The following GNB1 variants were observed in gnomAD, a reference collection of about 807,000 sequenced individuals.
GNB1 encodes G protein subunit beta 1.
GNB1 carries 2 observed loss-of-function variants against 42.9 expected under a neutral mutation model. The observed-to-expected ratio is 0.05, with a 90% CI of 0.02 to 0.15. The LOEUF (loss-of-function observed/expected upper bound fraction) is 0.15, where lower values mean the gene tolerates loss of function less well. GNB1 is among the 10% of genes least tolerant of loss of function. The pLI is 1.00. For missense variants in GNB1, 193 were observed against 462.2 expected (o/e 0.42, Z 5.34); for synonymous variants, 183 against 174.7 (o/e 1.05, Z -0.38).
At chr1:1,839,392 G>C (rs1292879081) in intron 1 of GNB1, among the ~76,000 whole-genome samples, 154 bp from the exon 2 acceptor site, 1 of 152,060 alleles carries the variant, frequency 6.6e-6, no homozygotes, top group Non-Finnish European at 1.5e-5. Flanking sequence ...TAGCAGTACT[G>C]TCATATTTTG....
At chr1:1,888,920 C>G (rs1650309347) in intron 1 of GNB1, among the ~76,000 whole-genome samples, 1 of 152,174 alleles carries the variant, frequency 6.6e-6, no homozygotes, top group Non-Finnish European at 1.5e-5. Context: ...GCTCTCAGAC[C>G]TGTCTCCATG....
Position 1,828,912 on chromosome 1 carries a change from C to CA in GNB1, c.-46-3414dup, listed in dbSNP as rs140874481. ...ACACACATACACACACACACACACA[C>CA]AATTTTTGTTAGCAATAAAAATAAA... On this transcript the variant is annotated intron_variant, in intron 2 of 11. Coordinates refer to ENST00000378609, the MANE Select transcript of GNB1 (RefSeq NM_002074.5). Among the ~76,000 whole-genome samples the CA allele has an allele frequency of 4.0e-5, 6 of 151,860 alleles. No homozygotes were observed. In the South Asian group the frequency reaches 1.0e-3, roughly 26 times the overall value.
rs551222176 is a variant in GNB1, at chr1:1,791,016, C to T, written c.498-420G>A. On this transcript the variant is annotated intron_variant, in intron 8 of 11. Coordinates refer to ENST00000378609, the MANE Select transcript of GNB1 (RefSeq NM_002074.5). ...TATCTGTGGCTGCTCCCTCTGTGCCCTCCCTTGGCCTCCCCTCCACAGGGT... is the reference window on the plus strand; with the variant it reads ...TATCTGTGGCTGCTCCCTCTGTGCCTTCCCTTGGCCTCCCCTCCACAGGGT... Among the ~76,000 whole-genome samples the T allele has an allele frequency of 1.9e-3, 285 of 152,234 alleles. 1 individual carries two copies. Among genetic ancestry groups the T allele is most frequent in the Non-Finnish European group, 3.7e-3 (250 of 68,010 alleles).
chr1:1,821,216 G>A lies in GNB1; in HGVS notation c.58-3341C>T, dbSNP rs952523896. On this transcript the variant is annotated intron_variant, in intron 3 of 11. Transcript: ENST00000378609. ...CGGGCATCCATTGCAGCTGCCTCTC[G>A]CACGAATGGACCCTGCTCCCTTGCA... 7.9e-5 allele frequency among the ~76,000 whole-genome samples: 12 copies of A among 152,152 alleles called. 1 individual carries two copies. In the East Asian group the frequency reaches 9.6e-4, roughly 12 times the overall value.
chr1:1,793,490 G>A (rs1424843210), intron 7 of GNB1, 179 bp from the exon 8 acceptor site: 1 of 488,598 alleles, frequency 2.0e-6, no homozygotes, highest in East Asian at 3.2e-5. Flanking sequence ...CACTGCTGGT[G>A]AGGGTGAGAG....
chr1:1,835,222 C>T (rs564404384), intron 2 of GNB1, among the ~76,000 whole-genome samples: 1 of 152,192 alleles, frequency 6.6e-6, no homozygotes, highest in Admixed American at 6.5e-5. Context: ...TGATGTCTGA[C>T]AGCCCTGGCT....
intron 1 of GNB1, among the ~76,000 whole-genome samples, chr1:1,885,187 C>T (rs998917434): frequency 1.3e-5 from 2 of 151,334 alleles, no homozygotes; most frequent in Non-Finnish European, 3.0e-5. Context: ...CGGAGGCGGG[C>T]GGATCACTTG....
At chr1:1,819,191 G>C (rs1169410770) in intron 3 of GNB1, among the ~76,000 whole-genome samples, 1 of 152,028 alleles carries the variant, frequency 6.6e-6, no homozygotes, top group East Asian at 1.9e-4. Context: ...TTTAAAGTTT[G>C]AGTGTTGGTA....
At chr1:1,833,860 T>G (rs1419577677) in intron 2 of GNB1, among the ~76,000 whole-genome samples, 3 of 152,198 alleles carry the variant, frequency 2.0e-5, no homozygotes, top group Non-Finnish European at 4.4e-5. Context: ...TGCCTGTGCC[T>G]ATAAAGTAAT....
At chr1:1,881,800 C>G (rs1649861944) in intron 1 of GNB1, among the ~76,000 whole-genome samples, 1 of 152,206 alleles carries the variant, frequency 6.6e-6, no homozygotes, top group African/African-American at 2.4e-5. Context: ...GTGCTGTGCT[C>G]TTATGCGCTT....
intron 2 of GNB1, among the ~76,000 whole-genome samples, chr1:1,835,537 T>C (rs1647134673): frequency 6.6e-6 from 1 of 152,186 alleles, no homozygotes; most frequent in Admixed American, 6.6e-5. Context: ...AACTACCTCC[T>C]GCCTCACCTG....
chr1:1,820,654 C>T (rs1646919721), intron 3 of GNB1, among the ~76,000 whole-genome samples: 1 of 152,090 alleles, frequency 6.6e-6, no homozygotes, highest in South Asian at 2.1e-4. Flanking sequence ...GATTTTAAAA[C>T]ATCATAAGAA....
intron 7 of GNB1, among the ~76,000 whole-genome samples, chr1:1,797,729 G>A (rs138937754): frequency 6.6e-5 from 10 of 152,288 alleles, no homozygotes; most frequent in Admixed American, 5.9e-4. Context: ...GAGCCACCGC[G>A]CCCAGCCCCC....
intron 1 of GNB1, among the ~76,000 whole-genome samples, chr1:1,876,251 T>TA (rs997883669): frequency 4.6e-5 from 7 of 152,114 alleles, no homozygotes; most frequent in Non-Finnish European, 1.0e-4. Context: ...TGAAGACCTT[T>TA]ACTAAGCCAG....
rs1417716897 is a variant in GNB1 at position 1,804,625 on chromosome 1, AAAC to A, written c.268-47_268-45del. 4.2e-6 allele frequency: 6 copies of A among 1,445,772 alleles called. No homozygotes were observed. The African/African-American group carries it at 5.7e-5, about 14-fold the overall frequency. 89.6% of individuals were successfully genotyped at this position (1,445,772 alleles called of 1,614,324 possible). A position where few individuals can be genotyped will look rare whatever the true frequency, so the allele number is the denominator to read the frequency against. On this transcript the variant is annotated intron_variant, in intron 6 of 11. Transcript: ENST00000378609. Reference sequence around the variant, plus strand: ...ATGATGCAAACAACTTTATGTTCAAAAACAACACTGACACCAGGATTTTCTCAT... The same window carrying A: ...ATGATGCAAACAACTTTATGTTCAAAAACACTGACACCAGGATTTTCTCAT...
chr1:1,883,284 A>C (rs1396392513), intron 1 of GNB1, among the ~76,000 whole-genome samples: 1 of 151,746 alleles, frequency 6.6e-6, no homozygotes, highest in African/African-American at 2.4e-5. Context: ...GTCCCAAAAA[A>C]AAAAAAAAAA....
At chr1:1,840,649 T>C (rs1647218383) in intron 1 of GNB1, among the ~76,000 whole-genome samples, 6 of 152,246 alleles carry the variant, frequency 3.9e-5, no homozygotes, top group Admixed American at 3.9e-4. Flanking sequence ...CATCTGAATC[T>C]CAAGGAAGCC....
At chr1:1,834,667 C>CTTTTT (rs746491020) in intron 2 of GNB1, among the ~76,000 whole-genome samples, 1 of 126,342 alleles carries the variant, frequency 7.9e-6, no homozygotes, top group Admixed American at 8.8e-5. Context: ...ACTCCAAGCA[C>CTTTTT]TTTTTTTTTT....
chr1:1,885,569 T>G (rs979631977), intron 1 of GNB1, among the ~76,000 whole-genome samples: 2 of 146,306 alleles, frequency 1.4e-5, no homozygotes, highest in African/African-American at 5.0e-5. Flanking sequence ...TTTTTTTTTT[T>G]TTTGTGAAAC....
Sources: gnomAD v4.1 joint callset for allele counts (sites outside exome capture counted in the v4.1 genomes callset) on GRCh38, gnomAD v4.1.1 for gene constraint, MANE v1.5 for transcripts, NCBI Gene and HGNC (gene_info 2026-07-23, HGNC 2026-07-21) for gene names.